The following ADAM2 variants were observed in gnomAD, a reference collection of about 807,000 sequenced individuals.
ADAM2 encodes the protein disintegrin and metalloproteinase domain-containing protein 2.
ADAM2 carries 101 observed loss-of-function variants against 99.3 expected under a neutral mutation model. The ratio of observed to expected loss-of-function variants is 1.02; its 90% CI spans 0.87 to 1.20. The LOEUF (loss-of-function observed/expected upper bound fraction) is 1.20. Among genes scored for constraint, ADAM2 ranks in the 50% most tolerant of loss-of-function variants. The probability of loss-of-function intolerance (pLI) is 0.00; values close to 1 mark genes in which losing one functional copy is unlikely to be tolerated. For synonymous variants in ADAM2, 323 were observed against 287.6 expected (o/e 1.12, Z -1.25); for missense variants, 948 against 878.7 (o/e 1.08, Z -1.00).
chr8:39,794,446 C>T (rs1362224310), intron 7 of ADAM2, among the ~76,000 whole-genome samples: 1 of 151,638 alleles, frequency 6.6e-6, no homozygotes, highest in Non-Finnish European at 1.5e-5. Context: ...AGGGAGGAGA[C>T]CACCCCTCAT....
chr8:39,821,705 T>C (rs1805196160), intron 4 of ADAM2, 43 bp from the exon 5 acceptor site: 1 of 1,331,776 alleles, frequency 7.5e-7, no homozygotes, highest in Admixed American at 1.7e-5. Context: ...ATGGTTTGTG[T>C]TACAGATACA....
intron 7 of ADAM2, among the ~76,000 whole-genome samples, chr8:39,796,492 C>A (rs919188138): frequency 2.0e-5 from 3 of 152,216 alleles, no homozygotes; most frequent in African/African-American, 7.2e-5. Flanking sequence ...AGTAGTGCTG[C>A]AATAAACATA....
intron 6 of ADAM2, among the ~76,000 whole-genome samples, chr8:39,814,258 C>A (rs1451267444): frequency 1.3e-5 from 2 of 151,868 alleles, no homozygotes; most frequent in Admixed American, 6.6e-5. Flanking sequence ...AGTCAGGAGG[C>A]TGAGGCAGGA....
chr8:39,818,740 G>C (rs1040399664), intron 6 of ADAM2, among the ~76,000 whole-genome samples: 1 of 151,716 alleles, frequency 6.6e-6, no homozygotes, highest in Non-Finnish European at 1.5e-5. Context: ...AAACCAATAT[G>C]GAAAATTCAC....
intron 9 of ADAM2, among the ~76,000 whole-genome samples, chr8:39,787,649 A>C (rs1803526929): frequency 6.6e-6 from 1 of 151,544 alleles, no homozygotes; most frequent in Non-Finnish European, 1.5e-5. Context: ...AGGCTAATGT[A>C]CTAAAACCTT....
chr8:39,818,520 TG>T (rs1388670333), intron 6 of ADAM2, among the ~76,000 whole-genome samples: 2 of 152,056 alleles, frequency 1.3e-5, no homozygotes, highest in African/African-American at 4.8e-5. Flanking sequence ...TGGGAAAAGA[TG>T]AGAACATCTC....
chr8:39,775,684 T>G (rs993215227), intron 11 of ADAM2, among the ~76,000 whole-genome samples: 1 of 152,158 alleles, frequency 6.6e-6, no homozygotes, highest in Non-Finnish European at 1.5e-5. Context: ...GATATTAGTG[T>G]ATGGTGACTG....
At chr8:39,744,346 C>G (rs1823358166) in intron 20 of ADAM2, among the ~76,000 whole-genome samples, 1 of 151,758 alleles carries the variant, frequency 6.6e-6, no homozygotes, top group African/African-American at 2.4e-5. Context: ...AAAATAGTCT[C>G]CAATTTATTT....
Position 39,787,027 on chromosome 8 carries a change from C to A in ADAM2, c.838G>T (p.Ala280Ser), listed in dbSNP as rs752012309. 8 of 1,590,322 alleles carry A rather than the reference C, an allele frequency of 5.0e-6. No homozygotes were observed. Among genetic ancestry groups the A allele is most frequent in the Non-Finnish European group, 6.8e-6 (8 of 1,167,892 alleles). The part of the protein sequence containing the change: ...VYREKSNYVG[A>S]TFQGKMCDAN... ...TCACACATCTTCCCTTGAAAGGTTG[C>A]ACCAACATAATTTGACTTTTCTCTG... Residue 280 changes from alanine (A) to serine (S), a missense_variant, in exon 10 of 21, where the codon GCA (alanine) becomes TCA (serine). Ala to Ser is a moderately conservative substitution (Grantham distance 99). Coordinates refer to ENST00000265708, the MANE Select transcript of ADAM2 (RefSeq NM_001464.5).
At position 39,746,508 on chromosome 8, in the gene ADAM2, CT is replaced by C. The variant is rs751857511; in HGVS notation, c.2137del (p.Arg713GlyfsTer38). On this transcript the variant is annotated frameshift_variant, in exon 19 of 21. Coordinates refer to ENST00000265708, the MANE Select transcript of ADAM2 (RefSeq NM_001464.5). LOFTEE classifies it high-confidence loss of function. ...ATAGTCCTCAGTTCTCCATTTTTTC[CT>C]TTGGAAATTAACTTTCACCATTATA... ...IAIMVKVNFQ[R>X]KKWRTEDYSS... is the part of the protein sequence containing the mutation. 1 of 1,590,210 alleles carries C rather than the reference CT, an allele frequency of 6.3e-7. No individual in the cohort carries two copies. Among genetic ancestry groups the C allele is most frequent in the African/African-American group, 1.4e-5 (1 of 73,210 alleles).
chr8:39,756,876 A>G (rs1285644349), intron 15 of ADAM2, among the ~76,000 whole-genome samples: 1 of 152,214 alleles, frequency 6.6e-6, no homozygotes, highest in East Asian at 1.9e-4. Context: ...TTAAGAAAAT[A>G]AGCAAGCTCA....
intron 11 of ADAM2, among the ~76,000 whole-genome samples, chr8:39,772,873 A>G (rs902502556): frequency 6.6e-6 from 1 of 151,972 alleles, no homozygotes; most frequent in Non-Finnish European, 1.5e-5. Context: ...TAGGAAGAAT[A>G]TTAATATAAC....
chr8:39,762,454 A>G (rs1414338689), intron 14 of ADAM2, among the ~76,000 whole-genome samples: 1 of 152,240 alleles, frequency 6.6e-6, no homozygotes, highest in Non-Finnish European at 1.5e-5. Context: ...TTAGGCATCC[A>G]AGAGAAACTA....
rs1284822455 is a variant in ADAM2 at position 39,788,672 on chromosome 8, A to G, written c.639T>C (p.Asn213=). The G allele has an allele frequency of 4.4e-6, 7 of 1,576,488 alleles. No individual in the cohort carries two copies. The highest frequency in any genetic ancestry group is 4.1e-5 in the African/African-American group (3 of 73,272). Residue 213 remains asparagine, a synonymous_variant, in exon 8 of 21, where the codon AAT becomes AAC. Transcript: ENST00000265708. ...GTACTAAGAAGCAAAGACTTACAGC[A>G]TTCGTCAATCCAATCAACTGGAAAA... is the stretch of plus-strand genomic sequence containing the variant. ...QKVFQLIGLT[N]AIFVSFNITI...
chr8:39,804,603 A>G (rs1031059310), intron 7 of ADAM2, among the ~76,000 whole-genome samples: 10 of 152,204 alleles, frequency 6.6e-5, no homozygotes, highest in African/African-American at 2.4e-4. Flanking sequence ...TTGATGAACA[A>G]TACTATTGAA....
chr8:39,792,669 T>C, intron 7 of ADAM2, among the ~76,000 whole-genome samples: 1 of 152,030 alleles, frequency 6.6e-6, no homozygotes, highest in East Asian at 1.9e-4. Context: ...ATTGCTGTTC[T>C]ACTGGAAAAT....
rs180775356 is a variant in ADAM2 at position 39,824,932 on chromosome 8, C to T, written c.189-35G>A. 5 of 946,986 alleles carry T rather than the reference C, an allele frequency of 5.3e-6. No individual in the cohort carries two copies. The East Asian group carries it at 1.2e-4, about 23-fold the overall frequency. 58.7% of individuals were successfully genotyped at this position (946,986 alleles called of 1,614,324 possible). ...AAAGATAAAATGGAAAAATTTGATT[C>T]TTAACCTTTTGTTTTGAAACATTTA... On this transcript the variant is annotated intron_variant, in intron 3 of 20. Coordinates refer to ENST00000265708, the MANE Select transcript of ADAM2 (RefSeq NM_001464.5).
At position 39,743,927 on chromosome 8, in the gene ADAM2, A is replaced by C. The variant is rs943669353; in HGVS notation, c.*168T>G. On this transcript the variant is annotated 3_prime_UTR_variant, in exon 21 of 21. Coordinates refer to ENST00000265708, the MANE Select transcript of ADAM2 (RefSeq NM_001464.5). Reference sequence around the variant, plus strand: ...TTTTAAATAAGTAAATTATCTGTGAAATTATACATATATATCATATTTTCT... The same window carrying C: ...TTTTAAATAAGTAAATTATCTGTGACATTATACATATATATCATATTTTCT... The C allele has an allele frequency of 6.6e-6, 1 of 152,180 alleles. No homozygotes were observed. The highest frequency in any genetic ancestry group is 1.9e-4 in the East Asian group (1 of 5,200). 9.4% of individuals were successfully genotyped at this position (152,180 alleles called of 1,614,324 possible).
At chr8:39,789,664 A>G (rs1316044554) in intron 7 of ADAM2, among the ~76,000 whole-genome samples, 1 of 151,804 alleles carries the variant, frequency 6.6e-6, no homozygotes, top group Non-Finnish European at 1.5e-5. Flanking sequence ...ATATTTGAAG[A>G]AGAATCCAAG....
Sources: allele counts gnomAD v4.1 joint callset (sites outside exome capture counted in the v4.1 genomes callset), GRCh38; gene constraint gnomAD v4.1.1; transcripts MANE v1.5; gene names NCBI Gene and HGNC (gene_info 2026-07-23, HGNC 2026-07-21).